Variants in ARL6IP6 observed in about 807,000 individuals in gnomAD.
ARL6IP6 encodes ADP-ribosylation factor-like protein 6-interacting protein 6.
Under a neutral mutation model 21.5 loss-of-function variants are expected in ARL6IP6, and 22 were observed. The observed-to-expected ratio is 1.02, with a 90% confidence interval of 0.73 to 1.46. ARL6IP6 has a LOEUF of 1.46. Among genes scored for constraint, ARL6IP6 ranks in the 40% most tolerant of loss-of-function variants. The pLI, the probability that ARL6IP6 is intolerant of heterozygous loss-of-function variation, is 0.00. For missense variants in ARL6IP6, 388 were observed against 299.8 expected (o/e 1.29, Z -2.17); for synonymous variants, 164 against 125.3 (o/e 1.31, Z -2.06).
At chr2:152,720,512 A>G in intron 1 of ARL6IP6, 21 bp from the exon 2 acceptor site, 1 of 1,610,184 alleles carries the variant, frequency 6.2e-7, no homozygotes, top group Non-Finnish European at 8.5e-7. Context: ...TTCCTACCTA[A>G]GTCCCTCTTT....
intron 3 of ARL6IP6, among the ~76,000 whole-genome samples, chr2:152,755,097 G>C (rs1017908252): frequency 7.2e-5 from 11 of 152,156 alleles, no homozygotes; most frequent in Admixed American, 3.9e-4. Flanking sequence ...GCCATACAGA[G>C]ATAGGAGCTG....
intron 3 of ARL6IP6, among the ~76,000 whole-genome samples, chr2:152,740,910 G>A (rs1275534418): frequency 1.3e-5 from 2 of 152,008 alleles, no homozygotes; most frequent in African/African-American, 2.4e-5. Flanking sequence ...AAAATATGCC[G>A]TTATTTCAGA....
intron 3 of ARL6IP6, among the ~76,000 whole-genome samples, chr2:152,739,555 A>G (rs1224998051): frequency 6.6e-6 from 1 of 152,178 alleles, no homozygotes; most frequent in Non-Finnish European, 1.5e-5. Context: ...GGTCAAAGCC[A>G]TTCAGCAAGT....
intron 3 of ARL6IP6, among the ~76,000 whole-genome samples, chr2:152,748,376 T>G (rs1005021779): frequency 1.3e-5 from 2 of 152,246 alleles, no homozygotes; most frequent in Non-Finnish European, 2.9e-5. Context: ...GTTGCTTGTT[T>G]TTTTGTTTTG....
chr2:152,722,830 C>A (rs538859460), intron 2 of ARL6IP6, among the ~76,000 whole-genome samples: 1 of 152,242 alleles, frequency 6.6e-6, no homozygotes, highest in South Asian at 2.1e-4. Context: ...ATCACTTGAA[C>A]CGGGGAGGTG....
intron 3 of ARL6IP6, among the ~76,000 whole-genome samples, chr2:152,759,070 G>A (rs1163377956): frequency 1.3e-5 from 2 of 152,136 alleles, no homozygotes; most frequent in Non-Finnish European, 2.9e-5. Flanking sequence ...TTGCAATACA[G>A]TTAGTGGGAA....
chr2:152,724,109 C>CA (rs546002979), intron 2 of ARL6IP6, among the ~76,000 whole-genome samples: 3,445 of 74,024 alleles, frequency 0.047, 72 homozygotes, highest in South Asian at 0.098. Flanking sequence ...TGACTAAGGC[C>CA]AAAAAAAAAA....
chr2:152,759,735 C>T lies in ARL6IP6; in HGVS notation c.588-12C>T, dbSNP rs771095178. The T allele has an allele frequency of 1.9e-6, 3 of 1,606,536 alleles. No homozygotes were observed. In the African/African-American group the frequency reaches 4.0e-5, roughly 22 times the overall value. ...TTTTTCTTTTTTGATTTGTGTTTTT[C>T]TTTTTTTCTAGGAAACTGACTGGAC... is the stretch of plus-strand genomic sequence containing the variant. On this transcript the variant is annotated splice_polypyrimidine_tract_variant and intron_variant, in intron 3 of 3. Coordinates refer to ENST00000326446, the MANE Select transcript of ARL6IP6 (RefSeq NM_152522.7).
chr2:152,724,054 A>AT (rs1699917474), intron 2 of ARL6IP6, among the ~76,000 whole-genome samples: 1 of 150,698 alleles, frequency 6.6e-6, no homozygotes, highest in African/African-American at 2.4e-5. Context: ...CTATAGCACA[A>AT]TTTTTGTAAA....
At chr2:152,729,435 GTATT>G (rs930826206) in intron 2 of ARL6IP6, among the ~76,000 whole-genome samples, 2 of 152,196 alleles carry the variant, frequency 1.3e-5, no homozygotes, top group Non-Finnish European at 2.9e-5. Flanking sequence ...AAGGATGTGT[GTATT>G]TATTTAAAAG....
In ARL6IP6 at chr2:152,762,306, G is replaced by C. The variant is rs1296596318; in HGVS notation, c.*2466G>C. ...AAGGCTGATAACGGATATTGCTAAT[G>C]GCGTTACCCTGGTCCCTGAAGCCCA... On this transcript the variant is annotated 3_prime_UTR_variant, in exon 4 of 4. Transcript: ENST00000326446. Among the ~76,000 whole-genome samples, 1 of 152,206 alleles carries C rather than the reference G, an allele frequency of 6.6e-6. No homozygotes were observed. The highest frequency in any genetic ancestry group is 1.9e-4 in the East Asian group (1 of 5,194).
chr2:152,755,745 C>T (rs1301773550), intron 3 of ARL6IP6, among the ~76,000 whole-genome samples: 2 of 152,130 alleles, frequency 1.3e-5, no homozygotes. Context: ...CACTACTGGT[C>T]TCCGCGAATT....
At chr2:152,718,394 T>C, upstream of ARL6IP6, 1 of 497,564 alleles carries the variant, frequency 2.0e-6, no homozygotes, top group Non-Finnish European at 3.2e-6. Flanking sequence ...GCTTTCCTGC[T>C]CCCCTTTCCG....
chr2:152,719,547 C>T (rs772503881), intron 1 of ARL6IP6, among the ~76,000 whole-genome samples: 4 of 152,012 alleles, frequency 2.6e-5, no homozygotes, highest in African/African-American at 4.8e-5. Flanking sequence ...GTGTAGTGCA[C>T]GGAGTTCTGT....
chr2:152,723,705 A>G lies in ARL6IP6; in HGVS notation c.454+3119A>G, dbSNP rs144433666. On this transcript the variant is annotated intron_variant, in intron 2 of 3. Transcript: ENST00000326446. ...TTATAGCAGCAATTCTCATTTTGGT[A>G]TGGGTAACAATCACTTGGGGACTTG... Among the ~76,000 whole-genome samples the G allele has an allele frequency of 3.6e-4, 55 of 152,326 alleles. 1 individual carries two copies. The highest frequency in any genetic ancestry group is 1.3e-3 in the African/African-American group (52 of 41,580).
chr2:152,749,857 C>T (rs1701238374), intron 3 of ARL6IP6, among the ~76,000 whole-genome samples: 1 of 152,196 alleles, frequency 6.6e-6, no homozygotes. Context: ...GCTTATCTTT[C>T]AGGATATGGA....
At chr2:152,740,092 G>C (rs765975299) in intron 3 of ARL6IP6, among the ~76,000 whole-genome samples, 10 of 152,064 alleles carry the variant, frequency 6.6e-5, no homozygotes, top group Non-Finnish European at 1.2e-4. Context: ...TTAGTAATTA[G>C]CATTTTTTGT....
intron 3 of ARL6IP6, among the ~76,000 whole-genome samples, chr2:152,749,520 G>A (rs565702686): frequency 6.6e-6 from 1 of 152,234 alleles, no homozygotes; most frequent in African/African-American, 2.4e-5. Flanking sequence ...AATCTCTTCT[G>A]TACCTAAGTT....
intron 2 of ARL6IP6, among the ~76,000 whole-genome samples, chr2:152,733,708 C>T (rs1042212655): frequency 6.6e-6 from 1 of 152,186 alleles, no homozygotes; most frequent in Non-Finnish European, 1.5e-5. Context: ...GAAAAATATG[C>T]TTACATTTTC....
Sources: gnomAD v4.1 joint callset for allele counts (sites outside exome capture counted in the v4.1 genomes callset) on GRCh38, gnomAD v4.1.1 for gene constraint, MANE v1.5 for transcripts, NCBI Gene and HGNC (gene_info 2026-07-23, HGNC 2026-07-21) for gene names.